Variants in PCLO observed in about 807,000 individuals in gnomAD.
PCLO encodes the protein protein piccolo.
A neutral mutation model predicts 427.5 loss-of-function variants in PCLO; 82 were observed. The observed-to-expected ratio is 0.19, with a 90% CI of 0.16 to 0.23. The LOEUF (loss-of-function observed/expected upper bound fraction) is 0.23. PCLO is among the 10% of genes least tolerant of loss of function. The pLI is 1.00. For missense variants in PCLO, 6,239 were observed against 6,115.9 expected, an observed-to-expected ratio of 1.02 and a Z score of -0.67; for synonymous variants, 2,357 against 2,155.4, an observed-to-expected ratio of 1.09 and a Z score of -2.59.
At chr7:83,044,490 G>T (rs1196792102) in intron 3 of PCLO, among the ~76,000 whole-genome samples, 1 of 152,054 alleles carries the variant, frequency 6.6e-6, no homozygotes, top group African/African-American at 2.4e-5. Flanking sequence ...AATTTAACAA[G>T]AATTATTAAG....
Position 83,061,198 on chromosome 7 carries a change from T to C in PCLO, c.3300+73052A>G, listed in dbSNP as rs571540989. On this transcript the variant is annotated intron_variant, in intron 3 of 24. Coordinates refer to ENST00000333891, the MANE Select transcript of PCLO (RefSeq NM_033026.6). Reference sequence around the variant, plus strand: ...AATCAAAGTGTTGGCTGAGCTATGTTCTCGTTTACAGCTTGGGTCCTTTTC... The same window carrying C: ...AATCAAAGTGTTGGCTGAGCTATGTCCTCGTTTACAGCTTGGGTCCTTTTC... 2.0e-5 allele frequency among the ~76,000 whole-genome samples: 3 copies of C among 152,300 alleles called. No homozygotes were observed. The South Asian group carries it at 6.2e-4, about 32-fold the overall frequency.
intron 23 of PCLO, among the ~76,000 whole-genome samples, 159 bp from the exon 24 acceptor site, chr7:82,760,943 CTTTTTTTT>C (rs767222339): frequency 1.2e-4 from 7 of 60,396 alleles, no homozygotes; most frequent in Non-Finnish European, 1.5e-4. Flanking sequence ...AAAGATATGT[CTTTTTTTT>C]TTTTTTTTTT....
chr7:82,856,884 G>A (rs1477597585), intron 10 of PCLO, among the ~76,000 whole-genome samples: 1 of 152,040 alleles, frequency 6.6e-6, no homozygotes, highest in Non-Finnish European at 1.5e-5. Flanking sequence ...ATGAGGCCAA[G>A]CCCTAATGGA....
intron 10 of PCLO, among the ~76,000 whole-genome samples, chr7:82,851,427 T>C (rs914788229): frequency 1.3e-5 from 2 of 152,046 alleles, no homozygotes; most frequent in Admixed American, 6.6e-5. Flanking sequence ...GTTATTTATG[T>C]TGATTTAAAT....
chr7:83,086,170 C>T (rs1424133730), intron 3 of PCLO, among the ~76,000 whole-genome samples: 2 of 112,944 alleles, frequency 1.8e-5, no homozygotes, highest in East Asian at 2.1e-4. Context: ...AGTGCAATGG[C>T]GCAATGGTTG....
intron 3 of PCLO, among the ~76,000 whole-genome samples, chr7:83,038,148 TACACATACATATATGTATATAC>T (rs1205024341): frequency 3.7e-4 from 47 of 128,100 alleles, no homozygotes; most frequent in African/African-American, 1.4e-3. Context: ...CACTCATATA[TACACATACATATATGTATATAC>T]ACACATACAT....
chr7:82,773,358 C>T (rs746527494), intron 22 of PCLO, among the ~76,000 whole-genome samples: 14 of 152,082 alleles, frequency 9.2e-5, no homozygotes, highest in Non-Finnish European at 1.3e-4. Context: ...TGGTGGTGAC[C>T]CTGCAGTCAG....
intron 10 of PCLO, among the ~76,000 whole-genome samples, chr7:82,854,209 T>C (rs1792742541): frequency 6.6e-6 from 1 of 152,060 alleles, no homozygotes; most frequent in Non-Finnish European, 1.5e-5. Context: ...CCTTACTGAG[T>C]TTCTTTTCTC....
intron 3 of PCLO, among the ~76,000 whole-genome samples, chr7:82,969,335 G>T (rs1325369202): frequency 1.3e-5 from 2 of 151,996 alleles, no homozygotes; most frequent in East Asian, 3.9e-4. Context: ...AACTACTAAG[G>T]TTTGTAATGC....
At chr7:83,128,400 A>AT (rs1225795422) in intron 3 of PCLO, among the ~76,000 whole-genome samples, 1 of 152,154 alleles carries the variant, frequency 6.6e-6, no homozygotes, top group African/African-American at 2.4e-5. Context: ...TCAAATTTGT[A>AT]TTTTACACTT....
intron 3 of PCLO, among the ~76,000 whole-genome samples, chr7:83,098,515 A>G (rs946078320): frequency 1.3e-5 from 2 of 152,156 alleles, no homozygotes; most frequent in East Asian, 3.9e-4. Context: ...TAAACTTTAT[A>G]TATCTGTGGA....
In PCLO at chr7:82,956,284, GA is replaced by G; in HGVS notation, c.4668del (p.Arg1557GlufsTer5). 6.2e-7 allele frequency: 1 copy of G among 1,612,342 alleles called. No homozygotes were observed. Among genetic ancestry groups the G allele is most frequent in the Non-Finnish European group, 8.5e-7 (1 of 1,179,838 alleles). On this transcript the variant is annotated frameshift_variant, in exon 5 of 25. Transcript: ENST00000333891. LOFTEE classifies it high-confidence loss of function. Reference protein sequence around the residue: ...SQGSGEEEDFIRKQIIEMSAD... With the variant: ...SQGSGEEEDFXRKQIIEMSAD... ...GCACTCATTTCTATGATTTGTTTTC[GA>G]ATGAAGTCCTCCTCTTCCCCTGATC...
chr7:82,868,253 T>A, intron 10 of PCLO: 1 of 456,390 alleles, frequency 2.2e-6, no homozygotes, highest in Non-Finnish European at 4.4e-6. Flanking sequence ...CCTAGGAGCA[T>A]TCTTCCTTAT....
intron 2 of PCLO, among the ~76,000 whole-genome samples, chr7:83,142,070 C>A (rs1405329818): frequency 6.6e-6 from 1 of 151,536 alleles, no homozygotes; most frequent in Non-Finnish European, 1.5e-5. Flanking sequence ...TTCCAGAAAG[C>A]ATAATGACCA....
chr7:82,938,643 C>G (rs1187558404), intron 6 of PCLO, among the ~76,000 whole-genome samples: 1 of 151,904 alleles, frequency 6.6e-6, no homozygotes, highest in African/African-American at 2.4e-5. Flanking sequence ...AAGACTATTA[C>G]TAAAACATGA....
In PCLO at chr7:82,847,103, CA is replaced by C. The variant is rs546213171; in HGVS notation, c.13763+35del. On this transcript the variant is annotated intron_variant, in intron 11 of 24. Coordinates refer to ENST00000333891, the MANE Select transcript of PCLO (RefSeq NM_033026.6). ...TTAAATTAAAAGAGTCATGGATAGC[CA>C]AAAAATGGAAACAGAAAGATGGGGA... The C allele has an allele frequency of 7.0e-5, 85 of 1,210,840 alleles. 1 individual carries two copies. The South Asian group carries it at 1.0e-3, about 15-fold the overall frequency. 75.0% of individuals were successfully genotyped at this position (1,210,840 alleles called of 1,614,324 possible).
intron 12 of PCLO, among the ~76,000 whole-genome samples, 194 bp downstream of exon 12, chr7:82,846,373 T>C (rs1792502075): frequency 6.6e-6 from 1 of 152,184 alleles, no homozygotes; most frequent in Non-Finnish European, 1.5e-5. Context: ...TTCCCCAGAA[T>C]GCTAACACTG....
intron 3 of PCLO, among the ~76,000 whole-genome samples, chr7:83,133,019 A>C (rs1363247020): frequency 6.6e-6 from 1 of 151,934 alleles, no homozygotes; most frequent in East Asian, 1.9e-4. Flanking sequence ...CTTTAAGATG[A>C]CTCTTAGTTA....
intron 2 of PCLO, among the ~76,000 whole-genome samples, chr7:83,150,761 T>C (rs1792108688): frequency 6.6e-6 from 1 of 152,170 alleles, no homozygotes; most frequent in Non-Finnish European, 1.5e-5. Flanking sequence ...GTGTATCTAT[T>C]TCACCCATAC....
Sources: allele counts gnomAD v4.1 joint callset (sites outside exome capture counted in the v4.1 genomes callset), GRCh38; gene constraint gnomAD v4.1.1; transcripts MANE v1.5; gene names NCBI Gene and HGNC (gene_info 2026-07-23, HGNC 2026-07-21).